CPA6: variants seen among roughly 807,000 people sequenced by gnomAD.
CPA6 encodes the protein carboxypeptidase B.
In CPA6, 58 loss-of-function variants were observed where a neutral mutation model predicts 63.3. The ratio of observed to expected loss-of-function variants is 0.92; its 90% CI spans 0.74 to 1.14. CPA6 has a LOEUF of 1.14. Ranked by LOEUF, CPA6 falls within the 50% of genes most tolerant of loss-of-function variation. The probability of loss-of-function intolerance (pLI) is 0.00; values close to 1 mark genes in which losing one functional copy is unlikely to be tolerated. For missense variants in CPA6, 565 were observed against 526.6 expected, an observed-to-expected ratio of 1.07 and a Z score of -0.71; for synonymous variants, 185 against 179.0, an observed-to-expected ratio of 1.03 and a Z score of -0.27.
chr8:67,507,504 G>A (rs550532976), intron 5 of CPA6, among the ~76,000 whole-genome samples: 147 of 152,078 alleles, frequency 9.7e-4, no homozygotes, highest in Non-Finnish European at 1.9e-3. Flanking sequence ...GTTGCTAACC[G>A]AGAAATCAAT....
chr8:67,555,175 A>G (rs1227547548), intron 2 of CPA6, among the ~76,000 whole-genome samples: 2 of 152,116 alleles, frequency 1.3e-5, no homozygotes, highest in African/African-American at 4.8e-5. Context: ...ATTATCTTAT[A>G]TATGCTAACT....
intron 1 of CPA6, among the ~76,000 whole-genome samples, chr8:67,737,791 G>A (rs962780477): frequency 3.3e-5 from 5 of 152,218 alleles, no homozygotes; most frequent in African/African-American, 1.2e-4. Flanking sequence ...TAGAGAATAG[G>A]AAAGGGTAAG....
intron 2 of CPA6, among the ~76,000 whole-genome samples, chr8:67,528,258 T>C (rs1057273285): frequency 1.3e-5 from 2 of 152,116 alleles, no homozygotes; most frequent in Admixed American, 6.5e-5. Flanking sequence ...CCTATGCATA[T>C]TACCAAATGA....
chr8:67,581,509 G>A (rs1813771220), intron 2 of CPA6, among the ~76,000 whole-genome samples: 1 of 152,140 alleles, frequency 6.6e-6, no homozygotes, highest in Admixed American at 6.5e-5. Flanking sequence ...TTTTTTCCCT[G>A]AGTTGTCCTG....
At chr8:67,426,273 G>A (rs573170150) in intron 10 of CPA6, among the ~76,000 whole-genome samples, 1 of 152,334 alleles carries the variant, frequency 6.6e-6, no homozygotes, top group East Asian at 1.9e-4. Flanking sequence ...CCGGCCAACA[G>A]CCTCATTTCT....
intron 8 of CPA6, among the ~76,000 whole-genome samples, chr8:67,459,431 C>T (rs1398614050): frequency 6.6e-6 from 1 of 152,130 alleles, no homozygotes; most frequent in African/African-American, 2.4e-5. Flanking sequence ...TATTATTCAG[C>T]ACTAAAAAGG....
At chr8:67,506,219 A>G (rs1811923601) in intron 6 of CPA6, among the ~76,000 whole-genome samples, 1 of 152,168 alleles carries the variant, frequency 6.6e-6, no homozygotes, top group Admixed American at 6.6e-5. Flanking sequence ...GCATTAAGAA[A>G]ATGAGAAATC....
At chr8:67,694,098 T>C (rs895150985) in intron 1 of CPA6, among the ~76,000 whole-genome samples, 1 of 152,242 alleles carries the variant, frequency 6.6e-6, no homozygotes, top group Non-Finnish European at 1.5e-5. Context: ...ACCCATTTAC[T>C]GAGTGATCTA....
At chr8:67,715,470 C>T (rs1817358682) in intron 1 of CPA6, among the ~76,000 whole-genome samples, 1 of 152,216 alleles carries the variant, frequency 6.6e-6, no homozygotes, top group South Asian at 2.1e-4. Flanking sequence ...CTTCCACTTC[C>T]ATTTTCCAAT....
chr8:67,728,274 ACTT>A (rs1192479403), intron 1 of CPA6, among the ~76,000 whole-genome samples: 2 of 152,168 alleles, frequency 1.3e-5, no homozygotes, highest in East Asian at 1.9e-4. Context: ...GAGTATATGA[ACTT>A]CTAAACCTCA....
chr8:67,519,251 G>A (rs1228311783), intron 2 of CPA6, among the ~76,000 whole-genome samples: 2 of 152,310 alleles, frequency 1.3e-5, no homozygotes, highest in Admixed American at 1.3e-4. Context: ...ACAATGGAAC[G>A]CAGATGGAAG....
At chr8:67,530,867 A>C (rs1812463044) in intron 2 of CPA6, among the ~76,000 whole-genome samples, 1 of 152,224 alleles carries the variant, frequency 6.6e-6, no homozygotes, top group South Asian at 2.1e-4. Flanking sequence ...TAATAAATGC[A>C]AAACCTCTCC....
intron 8 of CPA6, among the ~76,000 whole-genome samples, chr8:67,444,601 T>C (rs752603910): frequency 2.0e-5 from 3 of 151,484 alleles, no homozygotes; most frequent in East Asian, 2.0e-4. Flanking sequence ...CTGAACAACA[T>C]GGTAAAACCC....
rs760492764 is a variant in CPA6, at chr8:67,422,665, A to G, written c.1153T>C (p.Trp385Arg). ...TAAGGTATTCCATTTTTGTAGGCCC[A>G]ATCCATTGAGCTACCAGAGCTCACA... ...LYVSSGSSMD[W>R]AYKNGIPYAF... Residue 385 changes from tryptophan (W) to arginine (R), a missense_variant, in exon 11 of 11, where the codon TGG (tryptophan) becomes CGG (arginine). By Grantham distance (101) the Trp-to-Arg change is moderately radical. Coordinates refer to ENST00000297770, the MANE Select transcript of CPA6 (RefSeq NM_020361.5). 1.5e-5 allele frequency: 24 copies of G among 1,613,782 alleles called. No homozygotes were observed. The Middle Eastern group carries it at 9.9e-4, about 66-fold the overall frequency.
At chr8:67,475,633 T>C (rs1039749181) in intron 8 of CPA6, among the ~76,000 whole-genome samples, 4 of 152,164 alleles carry the variant, frequency 2.6e-5, no homozygotes, top group African/African-American at 9.7e-5. Flanking sequence ...GGTTCTCAGT[T>C]TGCAGGAAAA....
intron 2 of CPA6, among the ~76,000 whole-genome samples, chr8:67,553,042 A>G (rs1037383497): frequency 2.6e-5 from 4 of 152,164 alleles, no homozygotes; most frequent in Non-Finnish European, 5.9e-5. Context: ...AATCAATATT[A>G]TAATAAACAA....
intron 8 of CPA6, among the ~76,000 whole-genome samples, chr8:67,464,473 T>TGTTTACTGTATTGATAGTTTC (rs1323225070): frequency 6.6e-6 from 1 of 152,264 alleles, no homozygotes; most frequent in Non-Finnish European, 1.5e-5. Context: ...GTAGATTGTC[T>TGTTTACTGTATTGATAGTTTC]GTTTACTGTA....
intron 2 of CPA6, among the ~76,000 whole-genome samples, chr8:67,612,461 A>G (rs145188951): frequency 1.3e-5 from 2 of 152,286 alleles, no homozygotes; most frequent in Non-Finnish European, 1.5e-5. Flanking sequence ...CTTTTCCCTT[A>G]TGCTTCATGC....
chr8:67,745,819 T>G (rs1817996156), intron 1 of CPA6, among the ~76,000 whole-genome samples, 195 bp downstream of exon 1: 1 of 152,186 alleles, frequency 6.6e-6, no homozygotes, highest in Non-Finnish European at 1.5e-5. Flanking sequence ...AAAGCCAGGT[T>G]GGAGCCCACC....
Sources: allele counts gnomAD v4.1 joint callset (sites outside exome capture counted in the v4.1 genomes callset), GRCh38; gene constraint gnomAD v4.1.1; transcripts MANE v1.5; gene names NCBI Gene and HGNC (gene_info 2026-07-23, HGNC 2026-07-21).